PRH1: variants seen among roughly 807,000 people sequenced by gnomAD.
PRH1 encodes proline rich protein HaeIII subfamily 1.
In PRH1, 7 loss-of-function variants were observed where a neutral mutation model predicts 7.9. The ratio of observed to expected loss-of-function variants is 0.89; its 90% CI spans 0.50 to 1.67. The LOEUF is 1.67. PRH1 is among the 40% of genes most tolerant of loss of function. The pLI, the probability that PRH1 is intolerant of heterozygous loss-of-function variation, is 0.00. For missense variants in PRH1, 109 were observed against 223.6 expected, an observed-to-expected ratio of 0.49 and a Z score of 3.27; for synonymous variants, 45 against 80.8, an observed-to-expected ratio of 0.56 and a Z score of 2.38.
At chr12:11,052,689 C>T (rs1317047088) in intron 1 of PRH1, among the ~76,000 whole-genome samples, 1 of 152,168 alleles carries the variant, frequency 6.6e-6, no homozygotes, top group Admixed American at 6.5e-5. Flanking sequence ...ATTTCTTTCT[C>T]TCTATGCTTC....
rs1555178294 is a variant in PRH1, at chr12:11,168,280, GA to G, written n.39+3141del. ...AGAAAGAAAGAAAGAAAGAAAGAAA[GA>G]AAGAAAGAAAGAAAGAAAGAAGGAA... On this transcript the variant is annotated intron_variant and non_coding_transcript_variant, in intron 1 of 1. Coordinates refer to the PRH1 transcript ENST00000541175. Among the ~76,000 whole-genome samples, 108 of 31,256 alleles carry G rather than the reference GA, an allele frequency of 3.5e-3. 1 individual carries two copies. The highest frequency in any genetic ancestry group is 5.5e-3 in the African/African-American group (55 of 9,970). The allele number at this position is 31,256 out of a possible 152,430, so 20.5% of individuals were successfully genotyped here.
intron 1 of PRH1, among the ~76,000 whole-genome samples, chr12:11,043,712 T>C (rs1942804261): frequency 1.3e-5 from 2 of 152,176 alleles, no homozygotes; most frequent in South Asian, 4.1e-4. Context: ...TAAAATTAAA[T>C]AGCTGAAGAT....
intron 1 of PRH1, among the ~76,000 whole-genome samples, chr12:11,086,610 T>C (rs1398907118): frequency 6.6e-6 from 1 of 151,240 alleles, no homozygotes; most frequent in Non-Finnish European, 1.5e-5. Context: ...TCAGTATAAT[T>C]ACCTATAAAA....
chr12:11,017,562 G>A (rs1941355770), intron 1 of PRH1, among the ~76,000 whole-genome samples: 1 of 152,126 alleles, frequency 6.6e-6, no homozygotes, highest in Non-Finnish European at 1.5e-5. Context: ...CCGGCTCACT[G>A]CAAACTTCGC....
At chr12:11,014,892 C>T (rs1394228266) in intron 1 of PRH1, among the ~76,000 whole-genome samples, 1 of 149,758 alleles carries the variant, frequency 6.7e-6, no homozygotes, top group Non-Finnish European at 1.5e-5. Flanking sequence ...CACCACCCAC[C>T]AGGAATGTCA....
In PRH1 at chr12:10,989,978, T is replaced by C. The variant is rs549912369; in HGVS notation, c.-125-16257A>G. On this transcript the variant is annotated intron_variant, in intron 1 of 3. Coordinates refer to the PRH1 transcript ENST00000539853. ...TTTAGTTATCTCATCTAAATTTTAA[T>C]GGCTTCTGAAAATATACGGATGTCT... 3.3e-5 allele frequency among the ~76,000 whole-genome samples: 5 copies of C among 152,342 alleles called. No individual in the cohort carries two copies. The East Asian group carries it at 9.6e-4, about 29-fold the overall frequency.
At chr12:11,140,345 A>T (rs959045048) in intron 1 of PRH1, among the ~76,000 whole-genome samples, 2 of 152,160 alleles carry the variant, frequency 1.3e-5, no homozygotes, top group East Asian at 3.8e-4. Flanking sequence ...AAAAATAAAT[A>T]TATCATTGCT....
At position 11,141,650 on chromosome 12, in the gene PRH1, C is replaced by T. The variant is rs192581084; in HGVS notation, n.40-20470G>A. Among the ~76,000 whole-genome samples the T allele has an allele frequency of 3.3e-5, 5 of 152,214 alleles. No homozygotes were observed. The East Asian group carries it at 9.7e-4, about 29-fold the overall frequency. Reference sequence around the variant, plus strand: ...GATAATAATATTCTCTTTGGATAGTCTTTCTGAGGAGTTAATATACTATTT... The same window carrying T: ...GATAATAATATTCTCTTTGGATAGTTTTTCTGAGGAGTTAATATACTATTT... On this transcript the variant is annotated intron_variant and non_coding_transcript_variant, in intron 1 of 1. Coordinates refer to the PRH1 transcript ENST00000541175.
chr12:11,102,403 T>C lies in PRH1; in HGVS notation n.124-55215A>G, dbSNP rs186547353. Among the ~76,000 whole-genome samples, 438 of 152,282 alleles carry C rather than the reference T, an allele frequency of 2.9e-3. 3 individuals are homozygous for C. The highest frequency in any genetic ancestry group is 5.0e-3 in the Admixed American group (77 of 15,294). On this transcript the variant is annotated intron_variant and non_coding_transcript_variant, in intron 1 of 4. Transcript: ENST00000541977. ...AAATAATATGACACATCTACAACCA[T>C]CTGATCTTTGGCAAACCTGACAAAA...
intron 1 of PRH1, among the ~76,000 whole-genome samples, chr12:11,039,156 G>A (rs1413469535): frequency 1.3e-5 from 2 of 152,170 alleles, no homozygotes; most frequent in African/African-American, 2.4e-5. Context: ...TATTATTGTT[G>A]TTATTGAAAA....
At position 11,030,711 on chromosome 12, in the gene PRH1, T is replaced by C. The variant is rs1233196070; in HGVS notation, c.-126+16309A>G. The C allele has an allele frequency of 4.3e-6, 7 of 1,614,080 alleles. No homozygotes were observed. The African/African-American group carries it at 9.3e-5, about 22-fold the overall frequency. ...TGAGATCCTTTACCATGGAGCTGCA[T>C]CTTCTTGAGATGTTTACACAGAGAA... On this transcript the variant is annotated intron_variant, in intron 1 of 3. Coordinates refer to the PRH1 transcript ENST00000539853.
chr12:11,165,466 G>A (rs1264385658), intron 1 of PRH1, among the ~76,000 whole-genome samples: 2 of 151,982 alleles, frequency 1.3e-5, no homozygotes, highest in African/African-American at 4.8e-5. Flanking sequence ...ATTTTCATTT[G>A]AGCTTCTTAT....
intron 1 of PRH1, among the ~76,000 whole-genome samples, chr12:10,984,547 T>G (rs114729402): frequency 0.015 from 2,312 of 152,206 alleles, 22 homozygotes; most frequent in South Asian, 0.031. Flanking sequence ...TGTGTTGTCT[T>G]TTAGGCCCTG....
chr12:11,133,816 A>T, intron 1 of PRH1: 1 of 1,614,174 alleles, frequency 6.2e-7, no homozygotes, highest in South Asian at 1.1e-5. Context: ...TCACAAAAAG[A>T]TGACAAACCA....
At position 11,093,571 on chromosome 12, in the gene PRH1, C is replaced by T. The variant is rs564879864; in HGVS notation, n.124-46383G>A. On this transcript the variant is annotated intron_variant and non_coding_transcript_variant, in intron 1 of 4. Transcript: ENST00000541977. Reference sequence around the variant, plus strand: ...CTAATTCTTAGGACTTGGTAAAGTTCGTCTCAAGTCTAATGTTTAAATATT... The same window carrying T: ...CTAATTCTTAGGACTTGGTAAAGTTTGTCTCAAGTCTAATGTTTAAATATT... Among the ~76,000 whole-genome samples, 41 of 114,892 alleles carry T rather than the reference C, an allele frequency of 3.6e-4. 9 individuals carry two copies. The highest frequency in any genetic ancestry group is 1.1e-3 in the African/African-American group (38 of 34,382). 75.4% of individuals were successfully genotyped at this position (114,892 alleles called of 152,430 possible).
At chr12:10,922,846 G>T (rs1221291149) in intron 2 of PRH1, among the ~76,000 whole-genome samples, 1 of 39,380 alleles carries the variant, frequency 2.5e-5, no homozygotes. Flanking sequence ...TTTTGAGACG[G>T]AGTCTCGCTC....
chr12:10,985,797 G>T lies in PRH1; in HGVS notation c.-125-12076C>A. The T allele has an allele frequency of 8.1e-6, 6 of 742,690 alleles. No homozygotes were observed. The South Asian group carries it at 1.4e-4, about 17-fold the overall frequency. 46.0% of individuals were successfully genotyped at this position (742,690 alleles called of 1,614,324 possible). A position where few individuals can be genotyped will look rare whatever the true frequency, so the allele number is the denominator to read the frequency against. ...ACTTTTAGACTAACTTTAGGTAAAA[G>T]ACTTTTCTAGGTATGCTTTCAGAAA... On this transcript the variant is annotated intron_variant, in intron 1 of 3. Transcript: ENST00000539853.
intron 1 of PRH1, chr12:11,092,294 T>C: frequency 1.8e-6 from 2 of 1,091,230 alleles, no homozygotes; most frequent in Non-Finnish European, 2.7e-6. Flanking sequence ...TTCCTGCAGG[T>C]GGGTTCGTGG....
intron 1 of PRH1, among the ~76,000 whole-genome samples, chr12:11,065,030 C>CTAACT (rs1187770462): frequency 6.6e-6 from 1 of 151,978 alleles, no homozygotes; most frequent in Non-Finnish European, 1.5e-5. Context: ...GATTGAGACT[C>CTAACT]CAACTCCACA....
Sources: gnomAD v4.1 joint callset for allele counts (sites outside exome capture counted in the v4.1 genomes callset) on GRCh38, gnomAD v4.1.1 for gene constraint, MANE v1.5 for transcripts, NCBI Gene and HGNC (gene_info 2026-07-23, HGNC 2026-07-21) for gene names.